Variants in OSBPL1A observed in about 807,000 individuals in gnomAD.
The protein encoded by OSBPL1A is oxysterol binding protein like 1A.
OSBPL1A carries 80 observed loss-of-function variants against 137.1 expected under a neutral mutation model. The observed-to-expected ratio is 0.58, with a 90% CI of 0.49 to 0.70. The LOEUF (loss-of-function observed/expected upper bound fraction) is 0.70, where lower values mean the gene tolerates loss of function less well. Among genes scored for constraint, OSBPL1A ranks in the 30% least tolerant of loss-of-function variants. The probability of loss-of-function intolerance (pLI) is 0.00; values close to 1 mark genes in which losing one functional copy is unlikely to be tolerated. For synonymous variants in OSBPL1A, 365 were observed against 389.7 expected (o/e 0.94, Z 0.75); for missense variants, 970 against 1,129.4 (o/e 0.86, Z 2.02).
intron 15 of OSBPL1A, among the ~76,000 whole-genome samples, chr18:24,259,013 C>CTGTAA: frequency 6.9e-6 from 1 of 145,220 alleles, no homozygotes; most frequent in African/African-American, 2.6e-5. Flanking sequence ...TCTCGGCTCA[C>CTGTAA]TGTAAGCTCC....
At chr18:24,209,241 A>C (rs1032365126) in intron 17 of OSBPL1A, among the ~76,000 whole-genome samples, 4 of 152,260 alleles carry the variant, frequency 2.6e-5, no homozygotes, top group African/African-American at 9.6e-5. Context: ...CAATAATACA[A>C]AGACATACAA....
chr18:24,167,442 T>C lies in OSBPL1A; in HGVS notation c.2422A>G (p.Ser808Gly). ...TEEKKNSKQM[S>G]TSEELDEMPV... ...ATTTCATCCAACTCCTCAGAGGTGC[T>C]CATCTAGAAAAACCAATCAATGAAC... The change falls in exon 25 of 28, where the codon AGC becomes GGC. Residue 808 changes from serine (S) to glycine (G), a missense_variant. This residue lies in a region of OSBPL1A where 323 missense variants were observed against 456.8 expected (regional missense o/e 0.71). Coordinates refer to ENST00000319481, the MANE Select transcript of OSBPL1A (RefSeq NM_080597.4). The C allele has an allele frequency of 6.2e-7, 1 of 1,613,782 alleles. No individual in the cohort carries two copies. The highest frequency in any genetic ancestry group is 1.3e-5 in the African/African-American group (1 of 75,040).
chr18:24,297,451 GTTTCA>G (rs1274565172), intron 14 of OSBPL1A, among the ~76,000 whole-genome samples: 3 of 151,928 alleles, frequency 2.0e-5, no homozygotes, highest in South Asian at 2.1e-4. Flanking sequence ...CCAGTTTTTT[GTTTCA>G]TTTATCTTTT....
At chr18:24,279,103 T>C (rs1459791512) in intron 15 of OSBPL1A, among the ~76,000 whole-genome samples, 2 of 152,096 alleles carry the variant, frequency 1.3e-5, no homozygotes, top group Non-Finnish European at 1.5e-5. Context: ...GTGCTACATA[T>C]AGCAAACACA....
chr18:24,274,706 G>C (rs1180898822), intron 15 of OSBPL1A, among the ~76,000 whole-genome samples: 1 of 152,086 alleles, frequency 6.6e-6, no homozygotes, highest in Non-Finnish European at 1.5e-5. Flanking sequence ...TCAGAAGTTT[G>C]AGACCAGCCT....
intron 21 of OSBPL1A, among the ~76,000 whole-genome samples, chr18:24,175,124 A>G (rs1220571149): frequency 4.6e-5 from 6 of 131,388 alleles, no homozygotes; most frequent in African/African-American, 2.0e-4. Flanking sequence ...ATATATATAT[A>G]TATATATATA....
chr18:24,172,108 T>G (rs1327025057), intron 22 of OSBPL1A, among the ~76,000 whole-genome samples: 1 of 152,008 alleles, frequency 6.6e-6, no homozygotes, highest in African/African-American at 2.4e-5. Context: ...GCCCGGCTAA[T>G]TTTTGTATTT....
At chr18:24,392,210 G>C (rs978114063) in intron 1 of OSBPL1A, among the ~76,000 whole-genome samples, 1 of 151,634 alleles carries the variant, frequency 6.6e-6, no homozygotes, top group East Asian at 2.0e-4. Flanking sequence ...TCCCATGCTG[G>C]AGTGCAATGG....
chr18:24,360,118 G>A (rs182238166), intron 4 of OSBPL1A, among the ~76,000 whole-genome samples: 4 of 152,212 alleles, frequency 2.6e-5, no homozygotes, highest in African/African-American at 7.2e-5. Flanking sequence ...ACAGGTACCC[G>A]ACACCAGGCC....
In OSBPL1A at chr18:24,162,181, G is replaced by C. The variant is rs918996621; in HGVS notation, c.*998C>G. On this transcript the variant is annotated 3_prime_UTR_variant, in exon 28 of 28. Coordinates refer to ENST00000319481, the MANE Select transcript of OSBPL1A (RefSeq NM_080597.4). ...CCTGGGAGCAGTATCTCAGTCTGGG[G>C]TTTGGGTGGATAAATACTATAAGAT... is the stretch of plus-strand genomic sequence containing the variant. 1 of 152,234 alleles carries C rather than the reference G, an allele frequency of 6.6e-6. No homozygotes were observed. Among genetic ancestry groups the C allele is most frequent in the Non-Finnish European group, 1.5e-5 (1 of 68,064 alleles). 9.4% of individuals were successfully genotyped at this position (152,234 alleles called of 1,614,324 possible). A position where few individuals can be genotyped will look rare whatever the true frequency, so the allele number is the denominator to read the frequency against.
At chr18:24,370,853 G>T (rs1477911523) in intron 2 of OSBPL1A, among the ~76,000 whole-genome samples, 1 of 152,070 alleles carries the variant, frequency 6.6e-6, no homozygotes, top group Non-Finnish European at 1.5e-5. Context: ...TTCTTTTGTA[G>T]GGATGGGGTT....
At chr18:24,388,032 C>T (rs1017097907) in intron 1 of OSBPL1A, among the ~76,000 whole-genome samples, 1 of 152,044 alleles carries the variant, frequency 6.6e-6, no homozygotes, top group Non-Finnish European at 1.5e-5. Context: ...TGAATAAAAC[C>T]AGGCCTTACA....
chr18:24,243,041 C>T (rs1399238654), intron 15 of OSBPL1A, among the ~76,000 whole-genome samples: 2 of 152,086 alleles, frequency 1.3e-5, no homozygotes, highest in African/African-American at 4.8e-5. Flanking sequence ...ACCAGCCTGG[C>T]CAACACAGCG....
rs1485343424 is a variant in OSBPL1A, at chr18:24,377,453, G to A, written c.81C>T (p.Thr27=). The change falls in exon 2 of 28, where the codon ACC becomes ACT. Residue 27 remains threonine, a synonymous_variant. Transcript: ENST00000319481. The stretch of plus-strand genomic sequence containing the variant: ...CAGCAATCACTTCATTCCTCGCCAT[G>A]GTCTCTAATAGTTGTCTTACTTCTT... ...NAEEVRQLLE[T]MARNEVIADI... is the part of the protein sequence containing the mutation. 3 of 1,610,894 alleles carry A rather than the reference G, an allele frequency of 1.9e-6. No individual in the cohort carries two copies. The African/African-American group carries it at 4.0e-5, about 22-fold the overall frequency.
chr18:24,353,144 GAGA>G (rs1211630987), intron 4 of OSBPL1A, among the ~76,000 whole-genome samples: 4 of 152,114 alleles, frequency 2.6e-5, no homozygotes, highest in Non-Finnish European at 5.9e-5. Context: ...TACAAAATGG[GAGA>G]AGATTTTTGC....
chr18:24,207,824 C>T (rs867240929), intron 17 of OSBPL1A, among the ~76,000 whole-genome samples: 3 of 152,212 alleles, frequency 2.0e-5, no homozygotes, highest in Non-Finnish European at 4.4e-5. Context: ...TGGCTCACTG[C>T]ATCCTCTGCC....
At chr18:24,287,705 G>A (rs534851306) in intron 14 of OSBPL1A, among the ~76,000 whole-genome samples, 1 of 152,036 alleles carries the variant, frequency 6.6e-6, no homozygotes, top group African/African-American at 2.4e-5. Flanking sequence ...CCAGGAGGCA[G>A]AGGTTGTAGT....
At chr18:24,246,095 C>T (rs572833816) in intron 15 of OSBPL1A, among the ~76,000 whole-genome samples, 182 of 152,016 alleles carry the variant, frequency 1.2e-3, no homozygotes, top group Non-Finnish European at 2.0e-3. Flanking sequence ...GCCTGTAATC[C>T]CAGCTACTTG....
chr18:24,225,333 C>T (rs1042017557), intron 16 of OSBPL1A, 135 bp from the exon 17 acceptor site: 11 of 822,300 alleles, frequency 1.3e-5, no homozygotes, highest in Non-Finnish European at 1.9e-5. Flanking sequence ...CATCTGTTAA[C>T]TACCTCCTCA....
Sources: gnomAD v4.1 joint callset for allele counts (sites outside exome capture counted in the v4.1 genomes callset) on GRCh38, gnomAD v4.1.1 for gene constraint, gnomAD v4.1.1 regional missense constraint, MANE v1.5 for transcripts, NCBI Gene and HGNC (gene_info 2026-07-23, HGNC 2026-07-21) for gene names.